Variants in SAMMSON observed in about 807,000 individuals in gnomAD.
SAMMSON encodes survival associated mitochondrial melanoma specific oncogenic non-coding RNA, also known as long intergenic non-protein coding RNA 1212.
intron 6 of SAMMSON, among the ~76,000 whole-genome samples, chr3:70,250,748 A>G (rs1376318798): frequency 1.3e-5 from 2 of 152,140 alleles, no homozygotes; most frequent in African/African-American, 4.8e-5. Flanking sequence ...GCATCTTGCA[A>G]TTTGGGACTA....
intron 7 of SAMMSON, chr3:70,311,886 C>T (rs912849147): frequency 5.5e-5 from 22 of 397,516 alleles, no homozygotes; most frequent in Non-Finnish European, 9.3e-5. Flanking sequence ...GAAGACTTAC[C>T]TTCTTTCAAC....
chr3:70,000,529 G>T (rs1021286629), intron 1 of SAMMSON, among the ~76,000 whole-genome samples: 2 of 152,160 alleles, frequency 1.3e-5, no homozygotes, highest in Non-Finnish European at 2.9e-5. Flanking sequence ...CCAAAAGCAA[G>T]ACGTTATGCC....
intron 1 of SAMMSON, among the ~76,000 whole-genome samples, chr3:70,002,777 T>C (rs1002300824): frequency 1.3e-5 from 2 of 152,178 alleles, no homozygotes; most frequent in Non-Finnish European, 2.9e-5. Context: ...CTTCATGGCC[T>C]GTTATCAATT....
chr3:70,319,046 G>C (rs184292884), intron 7 of SAMMSON, among the ~76,000 whole-genome samples: 31 of 152,136 alleles, frequency 2.0e-4, no homozygotes, highest in Non-Finnish European at 1.5e-5. Context: ...TCTCACAAAA[G>C]CTACTTTTTG....
Position 70,288,212 on chromosome 3 carries a change from C to G in SAMMSON, n.675-2967C>G, listed in dbSNP as rs1247675486. On this transcript the variant is annotated intron_variant and non_coding_transcript_variant, in intron 6 of 9. Coordinates refer to ENST00000642114, the Ensembl canonical transcript of SAMMSON. Reference sequence around the variant, plus strand: ...TGGGCATTTAGTGCTATAAATTTCCCTCTACACACTGCTTTGAATGCATCC... The same window carrying G: ...TGGGCATTTAGTGCTATAAATTTCCGTCTACACACTGCTTTGAATGCATCC... 2.1e-4 allele frequency among the ~76,000 whole-genome samples: 28 copies of G among 136,312 alleles called. No homozygotes were observed. The Admixed American group carries it at 2.1e-3, about 10-fold the overall frequency. 89.4% of individuals were successfully genotyped at this position (136,312 alleles called of 152,430 possible). A position where few individuals can be genotyped will look rare whatever the true frequency, so the allele number is the denominator to read the frequency against.
intron 4 of SAMMSON, among the ~76,000 whole-genome samples, chr3:70,085,488 G>A (rs2067282067): frequency 6.6e-6 from 1 of 152,132 alleles, no homozygotes; most frequent in South Asian, 2.1e-4. Flanking sequence ...TCCACCTGGG[G>A]GTGCTCAGTG....
chr3:70,137,335 G>A (rs928013208), intron 4 of SAMMSON, among the ~76,000 whole-genome samples: 1 of 152,124 alleles, frequency 6.6e-6, no homozygotes, highest in Non-Finnish European at 1.5e-5. Flanking sequence ...TGACTTATGG[G>A]CCAAATTTGT....
At chr3:70,029,475 G>T (rs9822884) in intron 3 of SAMMSON, among the ~76,000 whole-genome samples, 5,840 of 152,100 alleles carry the variant, frequency 0.038, 330 homozygotes, top group African/African-American at 0.12. Context: ...TTAATTTGGC[G>T]GGGCGTGGTA....
At chr3:70,280,029 G>A (rs1702065284) in intron 6 of SAMMSON, among the ~76,000 whole-genome samples, 1 of 152,178 alleles carries the variant, frequency 6.6e-6, no homozygotes, top group Non-Finnish European at 1.5e-5. Flanking sequence ...CCAGAAGTGT[G>A]AAGTCAGTTT....
chr3:70,344,262 G>A (rs540514127), intron 7 of SAMMSON, among the ~76,000 whole-genome samples: 1 of 152,124 alleles, frequency 6.6e-6, no homozygotes, highest in Non-Finnish European at 1.5e-5. Context: ...TCCATAAGGA[G>A]ACGAACAGAA....
chr3:70,134,087 C>CAAAAAAAAAA (rs1157606808), intron 4 of SAMMSON, among the ~76,000 whole-genome samples: 2 of 60,550 alleles, frequency 3.3e-5, no homozygotes, highest in African/African-American at 1.1e-4. Flanking sequence ...ACTGAAAATA[C>CAAAAAAAAAA]AAAAAAAAAA....
At chr3:70,236,213 G>T (rs1701607490) in intron 4 of SAMMSON, among the ~76,000 whole-genome samples, 1 of 152,070 alleles carries the variant, frequency 6.6e-6, no homozygotes, top group African/African-American at 2.4e-5. Flanking sequence ...GGCCCCTTGT[G>T]ATCTACAGAT....
At chr3:70,115,407 C>G (rs945038496) in intron 4 of SAMMSON, among the ~76,000 whole-genome samples, 1 of 152,038 alleles carries the variant, frequency 6.6e-6, no homozygotes, top group African/African-American at 2.4e-5. Flanking sequence ...ACAAAAGTTA[C>G]CTCTTCAAAG....
At chr3:70,072,394 A>C (rs1163259278) in intron 4 of SAMMSON, 2 of 151,724 alleles carry the variant, frequency 1.3e-5, no homozygotes, top group Non-Finnish European at 2.9e-5. Flanking sequence ...TTTTGTCCTG[A>C]GCTCAGTGAA....
intron 4 of SAMMSON, among the ~76,000 whole-genome samples, chr3:70,186,569 AC>A (rs1462293809): frequency 2.6e-5 from 4 of 152,052 alleles, no homozygotes; most frequent in African/African-American, 9.7e-5. Context: ...GAGCCAGCAC[AC>A]TCAACCATAG....
At chr3:70,090,152 A>G (rs1008175629) in intron 4 of SAMMSON, among the ~76,000 whole-genome samples, 1 of 152,208 alleles carries the variant, frequency 6.6e-6, no homozygotes, top group African/African-American at 2.4e-5. Context: ...CTTTAAGAAC[A>G]AAATAGTATT....
At chr3:70,265,227 C>T (rs1281830910) in intron 6 of SAMMSON, among the ~76,000 whole-genome samples, 1 of 152,016 alleles carries the variant, frequency 6.6e-6, no homozygotes, top group East Asian at 1.9e-4. Context: ...GTAAGTCTCT[C>T]TGGATAAATC....
intron 4 of SAMMSON, among the ~76,000 whole-genome samples, chr3:70,200,716 C>T (rs1392089990): frequency 6.6e-6 from 1 of 152,196 alleles, no homozygotes; most frequent in Non-Finnish European, 1.5e-5. Context: ...CCATATCTCT[C>T]TCTCTGGTTG....
At chr3:70,194,093 G>A (rs1264842878) in intron 4 of SAMMSON, among the ~76,000 whole-genome samples, 2 of 152,108 alleles carry the variant, frequency 1.3e-5, no homozygotes, top group East Asian at 1.9e-4. Context: ...ATATTTTGTC[G>A]GCTTTTACAG....
Sources: allele counts gnomAD v4.1 joint callset (sites outside exome capture counted in the v4.1 genomes callset), GRCh38; gene constraint gnomAD v4.1.1; transcripts MANE v1.5; gene names NCBI Gene and HGNC (gene_info 2026-07-23, HGNC 2026-07-21).